The following ANXA1 variants were observed in gnomAD, a reference collection of about 807,000 sequenced individuals.
ANXA1 encodes annexin A1.
Under a neutral mutation model 47.9 loss-of-function variants are expected in ANXA1, and 39 were observed. That is an observed-to-expected ratio of 0.81 (90% CI 0.63 to 1.06). ANXA1 has a LOEUF of 1.06. ANXA1 is among the 50% of genes least tolerant of loss of function. The probability of loss-of-function intolerance (pLI) is 0.00; values close to 1 mark genes in which losing one functional copy is unlikely to be tolerated. For missense variants in ANXA1, 446 were observed against 422.7 expected, an observed-to-expected ratio of 1.06 and a Z score of -0.48; for synonymous variants, 146 against 142.5, an observed-to-expected ratio of 1.02 and a Z score of -0.17.
chr9:73,165,259 T>C lies in ANXA1; in HGVS notation c.706+50T>C, dbSNP rs765853422. On this transcript the variant is annotated intron_variant, in intron 9 of 12. Coordinates refer to ENST00000257497, the MANE Select transcript of ANXA1 (RefSeq NM_000700.3). ...AATCTGTTTATGGAAGATGCAATTT[T>C]CTTTTTTGATGACAAATAAGAGAAA... 5.4e-6 allele frequency: 8 copies of C among 1,476,494 alleles called. No individual in the cohort carries two copies. The South Asian group carries it at 9.4e-5, about 17-fold the overall frequency. 91.5% of individuals were successfully genotyped at this position (1,476,494 alleles called of 1,614,324 possible).
At chr9:73,160,958 A>C in intron 6 of ANXA1, 65 bp downstream of exon 6, 1 of 1,110,644 alleles carries the variant, frequency 9.0e-7, no homozygotes, top group South Asian at 1.3e-5. Context: ...TACTTTCTTA[A>C]AATTGACTGT....
intron 1 of ANXA1, among the ~76,000 whole-genome samples, chr9:73,157,435 C>A (rs1255811915): frequency 6.6e-6 from 1 of 151,864 alleles, no homozygotes; most frequent in Admixed American, 6.6e-5. Context: ...GGGCAGATCA[C>A]TTGGGGTCAT....
chr9:73,166,183 A>T lies in ANXA1; in HGVS notation c.793A>T (p.Thr265Ser). The change falls in exon 10 of 13, where the codon ACA becomes TCA. Residue 265 changes from threonine (T) to serine (S), a missense_variant. Transcript: ENST00000257497. ...GAAAGGTGACATTGAGAAATGCCTC[A>T]CAGCTATCGGTATGTAGTCCAGCAG... is the stretch of plus-strand genomic sequence containing the variant. ...ELKGDIEKCL[T>S]AIVKCATSKP... is the part of the protein sequence containing the mutation. 2 of 1,611,192 alleles carry T rather than the reference A, an allele frequency of 1.2e-6. No homozygotes were observed. The highest frequency in any genetic ancestry group is 1.1e-5 in the South Asian group (1 of 90,924).
At chr9:73,169,211 C>A in intron 12 of ANXA1, 57 bp downstream of exon 12, 1 of 1,524,910 alleles carries the variant, frequency 6.6e-7, no homozygotes, top group East Asian at 2.3e-5. Flanking sequence ...TTTGCAAGAT[C>A]TTCAAGGAGA....
At chr9:73,154,006 A>G (rs987534704) in intron 1 of ANXA1, among the ~76,000 whole-genome samples, 1 of 152,174 alleles carries the variant, frequency 6.6e-6, no homozygotes, top group South Asian at 2.1e-4. Flanking sequence ...GATGAGATCA[A>G]TGCTGATGAG....
chr9:73,168,995 T>A (rs550278720), intron 11 of ANXA1, 37 bp from the exon 12 acceptor site: 1 of 1,572,580 alleles, frequency 6.4e-7, no homozygotes, highest in African/African-American at 1.4e-5. Flanking sequence ...GAGTATTTTC[T>A]GAATATGAGA....
intron 10 of ANXA1, among the ~76,000 whole-genome samples, chr9:73,166,895 G>A (rs1229333060): frequency 1.3e-5 from 2 of 151,990 alleles, no homozygotes; most frequent in African/African-American, 4.8e-5. Context: ...GTATTATTTG[G>A]GTTCTGTTTT....
At chr9:73,155,818 G>C (rs1203440656) in intron 1 of ANXA1, among the ~76,000 whole-genome samples, 1 of 151,998 alleles carries the variant, frequency 6.6e-6, no homozygotes, top group Non-Finnish European at 1.5e-5. Flanking sequence ...TCACAAAGCT[G>C]TCTCCTCTAG....
At chr9:73,165,718 T>C (rs1159057932) in intron 9 of ANXA1, among the ~76,000 whole-genome samples, 1 of 152,064 alleles carries the variant, frequency 6.6e-6, no homozygotes, top group Non-Finnish European at 1.5e-5. Flanking sequence ...CACCATCTTA[T>C]AATAGTATAC....
chr9:73,153,241 C>T (rs1367267711), intron 1 of ANXA1, among the ~76,000 whole-genome samples: 1 of 152,128 alleles, frequency 6.6e-6, no homozygotes, highest in Non-Finnish European at 1.5e-5. Flanking sequence ...CTTTTTCAAC[C>T]AGAAGGTCTG....
intron 1 of ANXA1, among the ~76,000 whole-genome samples, 184 bp downstream of exon 1, chr9:73,152,108 T>C (rs1025525993): frequency 2.6e-5 from 4 of 152,228 alleles, no homozygotes; most frequent in Non-Finnish European, 5.9e-5. Context: ...ATTACAATAT[T>C]TTTGTTCTAC....
At chr9:73,168,986 A>C (rs1824278982) in intron 11 of ANXA1, 46 bp from the exon 12 acceptor site, 2 of 1,561,804 alleles carry the variant, frequency 1.3e-6, no homozygotes, top group African/African-American at 1.4e-5. Flanking sequence ...TTTTAATGAG[A>C]GTATTTTCTG....
chr9:73,166,768 C>A (rs1429111651), intron 10 of ANXA1, among the ~76,000 whole-genome samples: 1 of 152,126 alleles, frequency 6.6e-6, no homozygotes, highest in East Asian at 1.9e-4. Context: ...GATTCTGATT[C>A]CCCAGGTCTG....
chr9:73,169,372 T>C (rs1001411207), intron 12 of ANXA1, among the ~76,000 whole-genome samples: 2 of 152,152 alleles, frequency 1.3e-5, no homozygotes, highest in Non-Finnish European at 2.9e-5. Flanking sequence ...ACTAAAGTCA[T>C]GGAAACATTT....
chr9:73,169,077 C>A lies in ANXA1; in HGVS notation c.907C>A (p.Arg303Ser). The change falls in exon 12 of 13, where the codon CGT (arginine) becomes AGT (serine). Residue 303 changes from arginine to serine, a missense_variant. Coordinates refer to ENST00000257497, the MANE Select transcript of ANXA1 (RefSeq NM_000700.3). ...GGCATTGATCAGGATTATGGTTTCC[C>A]GTTCTGAAATTGACATGAATGATAT... ...HKALIRIMVS[R>S]SEIDMNDIKA... 1 of 1,613,352 alleles carries A rather than the reference C, an allele frequency of 6.2e-7. No individual in the cohort carries two copies.
chr9:73,161,384 C>T (rs7031846), intron 6 of ANXA1, among the ~76,000 whole-genome samples: 4,954 of 152,134 alleles, frequency 0.033, 261 homozygotes, highest in African/African-American at 0.11. Context: ...TTAACTTTAT[C>T]GTTATGAACA....
At position 73,167,583 on chromosome 9, in the gene ANXA1, G is replaced by T. The variant is rs757299304; in HGVS notation, c.861+28G>T. The T allele has an allele frequency of 3.2e-6, 5 of 1,585,006 alleles. No homozygotes were observed. The African/African-American group carries it at 6.8e-5, about 22-fold the overall frequency. ...ATGTACCATTCTACTTATATGTCCT[G>T]CTTAGAGGAAGAATTATTTGTAGAA... On this transcript the variant is annotated intron_variant, in intron 11 of 12. Coordinates refer to ENST00000257497, the MANE Select transcript of ANXA1 (RefSeq NM_000700.3).
At chr9:73,152,798 A>C (rs1823992302) in intron 1 of ANXA1, among the ~76,000 whole-genome samples, 1 of 152,210 alleles carries the variant, frequency 6.6e-6, no homozygotes, top group Admixed American at 6.5e-5. Context: ...TATTTGTAAA[A>C]GTGAGATTAC....
At chr9:73,163,031 T>C (rs548199690) in intron 7 of ANXA1, among the ~76,000 whole-genome samples, 170 bp downstream of exon 7, 1 of 152,194 alleles carries the variant, frequency 6.6e-6, no homozygotes, top group Admixed American at 6.6e-5. Flanking sequence ...GGTATCTATG[T>C]CTGGTGAGAG....
Sources: allele counts gnomAD v4.1 joint callset (sites outside exome capture counted in the v4.1 genomes callset), GRCh38; gene constraint gnomAD v4.1.1; transcripts MANE v1.5; gene names NCBI Gene and HGNC (gene_info 2026-07-23, HGNC 2026-07-21).